Variants in FAIM observed in about 807,000 individuals in gnomAD.
FAIM encodes the protein Fas apoptotic inhibitory molecule, also known as fas apoptotic inhibitory molecule 1.
A neutral mutation model predicts 21.2 loss-of-function variants in FAIM; 14 were observed. That is an observed-to-expected ratio of 0.66 (90% confidence interval 0.44 to 1.03). The LOEUF is 1.03. FAIM is among the 50% of genes least tolerant of loss of function. FAIM has a pLI of 0.00. For synonymous variants in FAIM, 86 were observed against 80.4 expected, an observed-to-expected ratio of 1.07 and a Z score of -0.37; for missense variants, 222 against 247.1, an observed-to-expected ratio of 0.90 and a Z score of 0.68.
chr3:138,616,496 T>G (rs1000981001), intron 1 of FAIM, among the ~76,000 whole-genome samples: 6 of 152,026 alleles, frequency 3.9e-5, no homozygotes, highest in South Asian at 2.1e-4. Flanking sequence ...TCCTCCCTCC[T>G]CCCATGTAGC....
rs1196650054 is a variant in FAIM, at chr3:138,610,875, C to T, written c.-17+1938C>T. 8 of 1,210,028 alleles carry T rather than the reference C, an allele frequency of 6.6e-6. No homozygotes were observed. In the Admixed American group the frequency reaches 6.9e-5, roughly 10 times the overall value. The allele number at this position is 1,210,028 out of a possible 1,614,324, so 75.0% of individuals were successfully genotyped here. On this transcript the variant is annotated intron_variant, in intron 1 of 5. Coordinates refer to ENST00000360570, the MANE Select transcript of FAIM (RefSeq NM_001033031.2). ...TGGGATTACGGGGTGTGAGCCATCG[C>T]GCCTGGCCACTTTCTCCAAAGTTTT...
intron 4 of FAIM, among the ~76,000 whole-genome samples, chr3:138,624,653 G>A (rs1051501443): frequency 3.9e-5 from 6 of 152,172 alleles, no homozygotes; most frequent in Non-Finnish European, 7.4e-5. Flanking sequence ...GGACTATGCT[G>A]ACTACAGCCT....
intron 5 of FAIM, chr3:138,629,603 C>G (rs1702949852): frequency 6.5e-6 from 1 of 154,632 alleles, no homozygotes. Context: ...GCTAATGCTA[C>G]TGGTCCACAG....
At chr3:138,611,074 C>G in intron 1 of FAIM, 1 of 1,403,608 alleles carries the variant, frequency 7.1e-7, no homozygotes, top group East Asian at 2.3e-5. Context: ...CATAAGTACC[C>G]AATAACTATT....
rs2042851396 is a variant in FAIM at position 138,618,473 on chromosome 3, C to G, written c.-16-1238C>G. Among the ~76,000 whole-genome samples, 5 of 152,096 alleles carry G rather than the reference C, an allele frequency of 3.3e-5. No individual in the cohort carries two copies. In the South Asian group the frequency reaches 1.0e-3, roughly 32 times the overall value. Reference sequence around the variant, plus strand: ...CTTGAGACCAGGAGTTCGAGACCAGCCTGACCAACATGGCAAAACCCCATC... The same window carrying G: ...CTTGAGACCAGGAGTTCGAGACCAGGCTGACCAACATGGCAAAACCCCATC... On this transcript the variant is annotated intron_variant, in intron 1 of 5. Coordinates refer to ENST00000360570, the MANE Select transcript of FAIM (RefSeq NM_001033031.2).
intron 1 of FAIM, among the ~76,000 whole-genome samples, chr3:138,618,768 G>A (rs2042854468): frequency 6.6e-6 from 1 of 152,184 alleles, no homozygotes; most frequent in African/African-American, 2.4e-5. Context: ...GAGCATTCTT[G>A]AGCATCTGTA....
chr3:138,631,034 G>A (rs2042999383), intron 5 of FAIM: 1 of 151,952 alleles, frequency 6.6e-6, no homozygotes, highest in Non-Finnish European at 1.5e-5. Context: ...CTACTCAGGA[G>A]GCTGAGGTGG....
intron 1 of FAIM, 80 bp from the exon 2 acceptor site, chr3:138,619,631 T>C (rs2042863304): frequency 1.6e-6 from 2 of 1,267,302 alleles, no homozygotes; most frequent in African/African-American, 3.0e-5. Flanking sequence ...AAACCCTTTG[T>C]AGATGTCATC....
intron 1 of FAIM, among the ~76,000 whole-genome samples, chr3:138,617,313 C>A (rs34194184): frequency 0.011 from 1,705 of 150,054 alleles, 14 homozygotes; most frequent in South Asian, 0.033. Flanking sequence ...TAAATACATT[C>A]TGATTTACAA....
chr3:138,628,475 T>C (rs2042964635), intron 4 of FAIM, among the ~76,000 whole-genome samples: 2 of 150,986 alleles, frequency 1.3e-5, no homozygotes, highest in Admixed American at 6.6e-5. Context: ...TTTTATTTAT[T>C]TATTTATTTA....
intron 5 of FAIM, chr3:138,631,032 G>C (rs973716749): frequency 7.9e-5 from 12 of 151,988 alleles, no homozygotes; most frequent in African/African-American, 2.9e-4. Context: ...AGCTACTCAG[G>C]AGGCTGAGGT....
At chr3:138,625,071 C>T (rs1351026890) in intron 4 of FAIM, among the ~76,000 whole-genome samples, 3 of 152,152 alleles carry the variant, frequency 2.0e-5, no homozygotes, top group East Asian at 1.9e-4. Flanking sequence ...GAGGCTGAGG[C>T]GAGAGGATCA....
At chr3:138,617,535 A>G (rs894712755) in intron 1 of FAIM, among the ~76,000 whole-genome samples, 1 of 146,752 alleles carries the variant, frequency 6.8e-6, no homozygotes, top group African/African-American at 2.5e-5. Flanking sequence ...ATCTCTCTCT[A>G]TCTACCTATC....
At chr3:138,630,351 C>T (rs1355999678) in intron 5 of FAIM, 1 of 152,130 alleles carries the variant, frequency 6.6e-6, no homozygotes, top group Non-Finnish European at 1.5e-5. Flanking sequence ...CACGTGGTAG[C>T]ACAGGTCTGT....
At chr3:138,609,645 T>G (rs1356628939) in intron 1 of FAIM, among the ~76,000 whole-genome samples, 1 of 137,978 alleles carries the variant, frequency 7.2e-6, no homozygotes, top group East Asian at 2.9e-4. Flanking sequence ...CTCTCTCGAC[T>G]GTACATTCCT....
At chr3:138,621,580 G>C in intron 3 of FAIM, 41 bp downstream of exon 3, 1 of 1,566,872 alleles carries the variant, frequency 6.4e-7, no homozygotes, top group Middle Eastern at 1.7e-4. Context: ...ATGATATATA[G>C]AGAAACTTGA....
At chr3:138,626,359 C>T (rs1481531135) in intron 4 of FAIM, among the ~76,000 whole-genome samples, 1 of 152,210 alleles carries the variant, frequency 6.6e-6, no homozygotes, top group African/African-American at 2.4e-5. Flanking sequence ...CATCCCTGTT[C>T]CCATCTGCCA....
chr3:138,628,057 T>C (rs2042958806), intron 4 of FAIM, among the ~76,000 whole-genome samples: 1 of 152,140 alleles, frequency 6.6e-6, no homozygotes, highest in South Asian at 2.1e-4. Context: ...CTGAGGACAC[T>C]AACATTTGCA....
intron 1 of FAIM, among the ~76,000 whole-genome samples, chr3:138,612,260 C>G (rs1268043810): frequency 6.6e-6 from 1 of 152,122 alleles, no homozygotes; most frequent in Admixed American, 6.5e-5. Context: ...GCCACCACGC[C>G]TGGCTAATTT....
Sources: allele counts gnomAD v4.1 joint callset (sites outside exome capture counted in the v4.1 genomes callset), GRCh38; gene constraint gnomAD v4.1.1; transcripts MANE v1.5; gene names NCBI Gene and HGNC (gene_info 2026-07-23, HGNC 2026-07-21).